ABR: variants seen among roughly 807,000 people sequenced by gnomAD.
ABR encodes ABR activator of RhoGEF and GTPase.
In ABR, 35 loss-of-function variants were observed where a neutral mutation model predicts 107.2. That is an observed-to-expected ratio of 0.33 (90% confidence interval 0.25 to 0.43). The LOEUF (loss-of-function observed/expected upper bound fraction) is 0.43, where lower values mean the gene tolerates loss of function less well. Among genes scored for constraint, ABR ranks in the 20% least tolerant of loss-of-function variants. The pLI, the probability that ABR is intolerant of heterozygous loss-of-function variation, is 1.00. For missense variants in ABR, 815 were observed against 1,115.2 expected, an observed-to-expected ratio of 0.73 and a Z score of 3.83; for synonymous variants, 498 against 462.0, an observed-to-expected ratio of 1.08 and a Z score of -1.00.
intron 2 of ABR, among the ~76,000 whole-genome samples, chr17:1,118,247 GT>G (rs2039140361): frequency 2.2e-5 from 2 of 90,054 alleles, no homozygotes; most frequent in South Asian, 3.4e-4. Flanking sequence ...CTGAGCCTGA[GT>G]TCCTCCCAGC....
At chr17:1,028,009 C>T (rs1159558015) in intron 16 of ABR, among the ~76,000 whole-genome samples, 1 of 152,040 alleles carries the variant, frequency 6.6e-6, no homozygotes, top group Non-Finnish European at 1.5e-5. Flanking sequence ...ACACCTGGTA[C>T]CATCAAGAAG....
At chr17:1,023,314 G>T (rs1295132698) in intron 16 of ABR, among the ~76,000 whole-genome samples, 2 of 152,222 alleles carry the variant, frequency 1.3e-5, no homozygotes, top group African/African-American at 4.8e-5. Flanking sequence ...GCTCTTGGAG[G>T]CCCCACAGCC....
At chr17:1,100,075 G>A (rs572673741) in intron 3 of ABR, among the ~76,000 whole-genome samples, 11 of 149,576 alleles carry the variant, frequency 7.4e-5, no homozygotes, top group Middle Eastern at 3.4e-3. Context: ...GCAGTGAGCC[G>A]AGATCGCACC....
At chr17:1,099,092 T>G (rs1597802181) in intron 3 of ABR, among the ~76,000 whole-genome samples, 1 of 148,610 alleles carries the variant, frequency 6.7e-6, no homozygotes, top group East Asian at 2.0e-4. Context: ...CAGCCTTTTT[T>G]TTTGAGGAAT....
chr17:1,068,232 C>G (rs929886773), intron 9 of ABR, among the ~76,000 whole-genome samples: 13 of 152,262 alleles, frequency 8.5e-5, no homozygotes, highest in African/African-American at 3.1e-4. Context: ...CGTGCCCGCC[C>G]AGTCATCCCT....
intron 1 of ABR, among the ~76,000 whole-genome samples, chr17:1,217,691 ATTTAT>A (rs1278690187): frequency 1.3e-5 from 2 of 152,010 alleles, no homozygotes; most frequent in African/African-American, 4.8e-5. Context: ...GCGTGCTCTT[ATTTAT>A]TTTGTTTTGT....
chr17:1,040,368 G>A (rs1007090627), intron 16 of ABR, among the ~76,000 whole-genome samples: 3 of 152,194 alleles, frequency 2.0e-5, no homozygotes, highest in African/African-American at 7.2e-5. Context: ...ACCAGAAGCT[G>A]CTCCCCAGCC....
rs749678937 is a variant in ABR at position 1,056,994 on chromosome 17, T to C, written c.1486+4A>G. On this transcript the variant is annotated splice_donor_region_variant and intron_variant, in intron 13 of 22. Transcript: ENST00000302538. ...GTTGGGCCACCTCTGGTTCCCGAGC[T>C]TACCGTCTTTATTGCTGGTGACAGG... 6.2e-6 allele frequency: 10 copies of C among 1,603,492 alleles called. No homozygotes were observed. Among genetic ancestry groups the C allele is most frequent in the Non-Finnish European group, 8.5e-6 (10 of 1,171,450 alleles).
chr17:1,061,239 G>C (rs1035166264), intron 10 of ABR, among the ~76,000 whole-genome samples: 2 of 152,106 alleles, frequency 1.3e-5, no homozygotes, highest in African/African-American at 4.8e-5. Flanking sequence ...TGCACAGCTG[G>C]GGCAACGGGG....
intron 4 of ABR, among the ~76,000 whole-genome samples, chr17:1,089,036 C>T (rs1382228805): frequency 1.3e-5 from 2 of 151,778 alleles, no homozygotes; most frequent in Non-Finnish European, 2.9e-5. Context: ...GCTGGGACTA[C>T]AGGTGCATTC....
intron 1 of ABR, among the ~76,000 whole-genome samples, chr17:1,193,060 C>T (rs1036634314): frequency 2.0e-4 from 31 of 152,200 alleles, no homozygotes; most frequent in African/African-American, 7.2e-4. Context: ...AAACAAAAAA[C>T]AAAACAAAAC....
chr17:1,009,916 G>C, intron 20 of ABR, 132 bp from the exon 21 acceptor site: 1 of 734,694 alleles, frequency 1.4e-6, no homozygotes, highest in Non-Finnish European at 2.3e-6. Flanking sequence ...GACCCCACAG[G>C]GGAGGGCCTG....
At chr17:1,188,937 G>A (rs1378107681), upstream of ABR, among the ~76,000 whole-genome samples, 1 of 152,222 alleles carries the variant, frequency 6.6e-6, no homozygotes, top group African/African-American at 2.4e-5. Flanking sequence ...AGGCTGAGCT[G>A]CACCCAGGAC....
At chr17:1,077,771 G>T (rs1567712943) in intron 6 of ABR, among the ~76,000 whole-genome samples, 1 of 152,184 alleles carries the variant, frequency 6.6e-6, no homozygotes, top group Non-Finnish European at 1.5e-5. Flanking sequence ...ACTGAGAAGG[G>T]TGCAGAGCCG....
At chr17:1,226,960 A>C (rs1446301705) in intron 1 of ABR, among the ~76,000 whole-genome samples, 1 of 152,134 alleles carries the variant, frequency 6.6e-6, no homozygotes, top group Admixed American at 6.6e-5. Context: ...GCAGAACCCG[A>C]ACATGTAGCT....
intron 1 of ABR, among the ~76,000 whole-genome samples, chr17:1,150,000 G>A (rs1206943508): frequency 6.6e-6 from 1 of 152,172 alleles, no homozygotes; most frequent in Non-Finnish European, 1.5e-5. Context: ...AACAGGGCCT[G>A]GCACGTGGTA....
chr17:1,049,790 C>T (rs1383597365), intron 16 of ABR, among the ~76,000 whole-genome samples: 4 of 152,204 alleles, frequency 2.6e-5, no homozygotes, highest in Admixed American at 1.3e-4. Flanking sequence ...CTAAAGCTGG[C>T]GTGTGAAAAC....
At position 1,050,661 on chromosome 17, in the gene ABR, C is replaced by G. The variant is rs368975706; in HGVS notation, c.1562-27G>C. 1.3e-6 allele frequency: 2 copies of G among 1,598,274 alleles called. No individual in the cohort carries two copies. Among genetic ancestry groups the G allele is most frequent in the Middle Eastern group, 1.7e-4 (1 of 6,030 alleles). On this transcript the variant is annotated intron_variant, in intron 14 of 22. Coordinates refer to ENST00000302538, the MANE Select transcript of ABR (RefSeq NM_021962.5). The surrounding 1 kb of genome is among the most constrained non-coding windows in gnomAD (Gnocchi z 4.6). ...TGTGGGGGAAGGACAGACGGAGATA[C>G]TGAGTGAGTGGGGCCAGGGTGGGGC...
At chr17:1,031,745 G>C (rs1029654816) in intron 16 of ABR, 8 of 1,199,190 alleles carry the variant, frequency 6.7e-6, no homozygotes, top group East Asian at 6.4e-5. Context: ...CGGTCATGCC[G>C]GGGGGGACGG....
Sources: gnomAD v4.1 joint callset for allele counts (sites outside exome capture counted in the v4.1 genomes callset) on GRCh38, gnomAD v4.1.1 for gene constraint, Gnocchi (gnomAD v3.1) non-coding constraint, MANE v1.5 for transcripts, NCBI Gene and HGNC (gene_info 2026-07-23, HGNC 2026-07-21) for gene names.